The following PCDH15 variants were observed in gnomAD, a reference collection of about 807,000 sequenced individuals.
The protein encoded by PCDH15 is protocadherin related 15.
Under a neutral mutation model 178.5 loss-of-function variants are expected in PCDH15, and 129 were observed. The ratio of observed to expected loss-of-function variants is 0.72; its 90% CI spans 0.63 to 0.84. PCDH15 has a LOEUF of 0.84. Ranked by LOEUF, PCDH15 falls within the 40% of genes least tolerant of loss-of-function variation. The pLI is 0.00. For missense variants in PCDH15, 2,230 were observed against 2,099.9 expected (o/e 1.06, Z -1.21); for synonymous variants, 800 against 732.0 (o/e 1.09, Z -1.50).
intron 21 of PCDH15, among the ~76,000 whole-genome samples, chr10:53,981,760 C>A (rs2090662131): frequency 1.3e-5 from 2 of 151,018 alleles, no homozygotes; most frequent in South Asian, 4.2e-4. Context: ...TAGGCATGGG[C>A]AAGGACTTCA....
intron 2 of PCDH15, among the ~76,000 whole-genome samples, chr10:54,649,891 TCAAAGCTCA>T (rs1025642597): frequency 7.2e-5 from 11 of 152,188 alleles, no homozygotes; most frequent in African/African-American, 2.7e-4. Flanking sequence ...GCTACTATCC[TCAAAGCTCA>T]CCAACTTGCC....
At chr10:54,131,515 C>T (rs541386581) in intron 15 of PCDH15, among the ~76,000 whole-genome samples, 13 of 151,588 alleles carry the variant, frequency 8.6e-5, no homozygotes, top group African/African-American at 3.1e-4. Context: ...GTTTTATTCC[C>T]TTTCTTTTAA....
intron 8 of PCDH15, among the ~76,000 whole-genome samples, chr10:54,306,174 A>G (rs1014004538): frequency 3.9e-5 from 6 of 152,072 alleles, no homozygotes; most frequent in Admixed American, 2.6e-4. Flanking sequence ...ATTTGCTTTA[A>G]ACATTTGGCT....
At chr10:54,754,097 G>T (rs1351143104) in intron 1 of PCDH15, among the ~76,000 whole-genome samples, 2 of 151,792 alleles carry the variant, frequency 1.3e-5, no homozygotes, top group Non-Finnish European at 2.9e-5. Context: ...CAAAGTGCTG[G>T]GATTACAGGC....
chr10:54,354,571 G>T (rs903751439), intron 5 of PCDH15, among the ~76,000 whole-genome samples: 3 of 152,088 alleles, frequency 2.0e-5, no homozygotes, highest in Non-Finnish European at 4.4e-5. Context: ...CATATTCAAA[G>T]AAATTCCATA....
intron 1 of PCDH15, among the ~76,000 whole-genome samples, chr10:54,686,300 T>G (rs1014977645): frequency 3.9e-5 from 6 of 152,218 alleles, no homozygotes; most frequent in African/African-American, 1.4e-4. Flanking sequence ...CAAAGGCCAT[T>G]TAATAGTTGA....
chr10:55,501,465 C>G (rs1409281663), intron 2 of PCDH15, among the ~76,000 whole-genome samples: 2 of 151,542 alleles, frequency 1.3e-5, no homozygotes, highest in Non-Finnish European at 3.0e-5. Flanking sequence ...TGCTAATTTC[C>G]TCTATTATGA....
intron 3 of PCDH15, among the ~76,000 whole-genome samples, chr10:54,511,477 A>G (rs1048806684): frequency 2.6e-5 from 4 of 152,238 alleles, no homozygotes; most frequent in Admixed American, 1.3e-4. Flanking sequence ...GATTGCTACA[A>G]CAGATCCCAG....
rs558419194 is a variant in PCDH15 at position 55,579,632 on chromosome 10, T to C, written c.-156+47993A>G. 2.6e-5 allele frequency among the ~76,000 whole-genome samples: 4 copies of C among 152,272 alleles called. No homozygotes were observed. In the East Asian group the frequency reaches 5.8e-4, roughly 22 times the overall value. On this transcript the variant is annotated intron_variant, in intron 2 of 5. Transcript: ENST00000613346. ...AGGAAGCAAAAATATATGTAGCTAA[T>C]ATTACTGGATGATTAAGATCTCAGA...
chr10:54,623,567 G>A (rs2093454609), intron 2 of PCDH15, among the ~76,000 whole-genome samples: 1 of 151,994 alleles, frequency 6.6e-6, no homozygotes. Flanking sequence ...TTCTTAATTA[G>A]TAGAGACAAA....
chr10:54,674,730 T>C (rs551641065), intron 1 of PCDH15, among the ~76,000 whole-genome samples: 5 of 152,226 alleles, frequency 3.3e-5, no homozygotes, highest in South Asian at 4.1e-4. Flanking sequence ...TGGATTTTAA[T>C]GTAAAGCTGA....
intron 1 of PCDH15, among the ~76,000 whole-genome samples, chr10:55,200,374 A>G (rs1220000746): frequency 2.6e-5 from 4 of 152,168 alleles, no homozygotes; most frequent in East Asian, 1.9e-4. Flanking sequence ...ATTTGGGCCA[A>G]TTTCTCCTGT....
chr10:55,141,969 G>C lies in PCDH15; in HGVS notation c.-80+24607C>G, dbSNP rs908060929. Among the ~76,000 whole-genome samples the C allele has an allele frequency of 5.3e-5, 8 of 151,996 alleles. 1 individual carries two copies. The highest frequency in any genetic ancestry group is 1.0e-4 in the Non-Finnish European group (7 of 67,988). ...TAATTATTCAGGAAGGCCACATTCT[G>C]AGACTTTATTGAATTCAGAGGTTTG... On this transcript the variant is annotated intron_variant, in intron 2 of 5. Transcript: ENST00000458638.
At chr10:55,014,872 G>T (rs1231697557) in intron 2 of PCDH15, among the ~76,000 whole-genome samples, 3 of 152,016 alleles carry the variant, frequency 2.0e-5, no homozygotes, top group Admixed American at 2.0e-4. Context: ...TAAAACTATT[G>T]TGTCGCCATG....
intron 2 of PCDH15, among the ~76,000 whole-genome samples, chr10:55,164,987 G>A (rs16915111): frequency 0.023 from 3,475 of 152,000 alleles, 140 homozygotes; most frequent in African/African-American, 0.078. Context: ...TTATCTATCC[G>A]TCATCTATCC....
intron 18 of PCDH15, among the ~76,000 whole-genome samples, chr10:54,029,439 G>T (rs1056989072): frequency 6.6e-6 from 1 of 152,070 alleles, no homozygotes; most frequent in Non-Finnish European, 1.5e-5. Context: ...ACACATTTTT[G>T]TAATATACAC....
At chr10:55,152,954 A>T (rs11004757) in intron 2 of PCDH15, among the ~76,000 whole-genome samples, 52,721 of 147,980 alleles carry the variant, frequency 0.36, 9,495 homozygotes, top group Admixed American at 0.46. Context: ...ACCACCATGA[A>T]TTTTTTTTTT....
chr10:55,303,158 T>G (rs1438199334), intron 1 of PCDH15, among the ~76,000 whole-genome samples: 1 of 152,132 alleles, frequency 6.6e-6, no homozygotes, highest in East Asian at 1.9e-4. Flanking sequence ...TCATGACAGT[T>G]ATAGTCCTAT....
chr10:55,617,555 A>G (rs577005300), intron 2 of PCDH15, among the ~76,000 whole-genome samples: 1 of 152,184 alleles, frequency 6.6e-6, no homozygotes, highest in African/African-American at 2.4e-5. Flanking sequence ...TGACATAACC[A>G]GATAATTCCA....
Sources: allele counts gnomAD v4.1 joint callset (sites outside exome capture counted in the v4.1 genomes callset), GRCh38; gene constraint gnomAD v4.1.1; transcripts MANE v1.5; gene names NCBI Gene and HGNC (gene_info 2026-07-23, HGNC 2026-07-21).